CBFA2T2: variants seen among roughly 807,000 people sequenced by gnomAD.
The protein encoded by CBFA2T2 is CBFA2/RUNX1 partner transcriptional co-repressor 2, also known as protein CBFA2T2.
Under a neutral mutation model 62.2 loss-of-function variants are expected in CBFA2T2, and 11 were observed. The ratio of observed to expected loss-of-function variants is 0.18; its 90% CI spans 0.11 to 0.29. The LOEUF is 0.29. CBFA2T2 is among the 10% of genes least tolerant of loss of function. The pLI is 1.00. For missense variants in CBFA2T2, 592 were observed against 774.1 expected (o/e 0.76, Z 2.79); for synonymous variants, 295 against 287.5 (o/e 1.03, Z -0.27).
At chr20:33,642,814 A>G (rs1254640656) in intron 10 of CBFA2T2, among the ~76,000 whole-genome samples, 1 of 152,206 alleles carries the variant, frequency 6.6e-6, no homozygotes, top group Non-Finnish European at 1.5e-5. Context: ...AAGAAAGAGT[A>G]TAGCTTTTGG....
intron 1 of CBFA2T2, among the ~76,000 whole-genome samples, chr20:33,498,247 C>CTT (rs150003478): frequency 5.9e-5 from 8 of 134,968 alleles, no homozygotes; most frequent in South Asian, 4.7e-4. Flanking sequence ...AATTTTCTTT[C>CTT]TTTTTTTTTT....
intron 6 of CBFA2T2, among the ~76,000 whole-genome samples, chr20:33,627,123 C>T (rs1455580015): frequency 6.6e-6 from 1 of 151,966 alleles, no homozygotes; most frequent in Non-Finnish European, 1.5e-5. Flanking sequence ...GGCGGTCTGG[C>T]GTGGTGGTTC....
chr20:33,526,370 A>C (rs1275482604), intron 1 of CBFA2T2, among the ~76,000 whole-genome samples: 2 of 152,234 alleles, frequency 1.3e-5, no homozygotes, highest in Admixed American at 6.5e-5. Flanking sequence ...AGAGGCTCAC[A>C]GGAACCTAAC....
At position 33,646,780 on chromosome 20, in the gene CBFA2T2, G is replaced by A. The variant is rs1170459323; in HGVS notation, c.*2134G>A. The stretch of plus-strand genomic sequence containing the variant: ...GGAGGCTGAGGCAAGAGAATCTCTT[G>A]AACCTGTGAGCCAGAGGTTGCAGTG... On this transcript the variant is annotated 3_prime_UTR_variant, in exon 11 of 11. Coordinates refer to ENST00000342704, the MANE Select transcript of CBFA2T2 (RefSeq NM_001032999.3). 6.7e-6 allele frequency: 1 copy of A among 149,520 alleles called. No homozygotes were observed. Among genetic ancestry groups the A allele is most frequent in the Non-Finnish European group, 1.5e-5 (1 of 67,742 alleles). The allele number at this position is 149,520 out of a possible 1,614,324, so 9.3% of individuals were successfully genotyped here. A position where few individuals can be genotyped will look rare whatever the true frequency, so the allele number is the denominator to read the frequency against.
In CBFA2T2 at chr20:33,520,949, C is replaced by A. The variant is rs193024732; in HGVS notation, c.34+30648C>A. On this transcript the variant is annotated intron_variant, in intron 1 of 10. Coordinates refer to ENST00000342704, the MANE Select transcript of CBFA2T2 (RefSeq NM_001032999.3). ...ATTTTCACCTGCCATCACATACACA[C>A]ACACACACTTTCACCTGCCATCACA... Among the ~76,000 whole-genome samples the A allele has an allele frequency of 2.0e-3, 299 of 148,520 alleles. 2 individuals carry two copies. The highest frequency in any genetic ancestry group is 2.4e-3 in the Non-Finnish European group (162 of 67,572).
chr20:33,510,821 C>T (rs1405198264), intron 1 of CBFA2T2, among the ~76,000 whole-genome samples: 9 of 152,120 alleles, frequency 5.9e-5, no homozygotes, highest in African/African-American at 2.2e-4. Context: ...TTTTAATGAT[C>T]GCTATTCTAA....
chr20:33,491,248 A>G (rs2011144496), intron 1 of CBFA2T2, among the ~76,000 whole-genome samples: 1 of 152,236 alleles, frequency 6.6e-6, no homozygotes, highest in Non-Finnish European at 1.5e-5. Context: ...TAAATCATAT[A>G]GTAAGTTTAA....
intron 1 of CBFA2T2, among the ~76,000 whole-genome samples, chr20:33,514,336 T>TC (rs2011564532): frequency 6.8e-6 from 1 of 146,458 alleles, no homozygotes; most frequent in Non-Finnish European, 1.5e-5. Flanking sequence ...TGCCTTTGCC[T>TC]CCCCAGTAAC....
intron 1 of CBFA2T2, 122 bp from the exon 2 acceptor site, chr20:33,606,834 G>C: frequency 1.2e-6 from 1 of 840,794 alleles, no homozygotes; most frequent in Non-Finnish European, 1.9e-6. Context: ...TCTTTTAGGG[G>C]GTCACTATTC....
intron 2 of CBFA2T2, among the ~76,000 whole-genome samples, chr20:33,608,545 A>C (rs769140470): frequency 2.0e-5 from 3 of 152,258 alleles, no homozygotes; most frequent in African/African-American, 7.2e-5. Context: ...AGAGTGAATG[A>C]AAAGAAGTGT....
At chr20:33,590,830 G>A (rs1279555394) in intron 1 of CBFA2T2, among the ~76,000 whole-genome samples, 1 of 151,976 alleles carries the variant, frequency 6.6e-6, no homozygotes, top group African/African-American at 2.4e-5. Flanking sequence ...TTAAAAACTC[G>A]GTTTTTCAAA....
intron 5 of CBFA2T2, among the ~76,000 whole-genome samples, chr20:33,623,537 C>T (rs2016079256): frequency 6.6e-6 from 1 of 151,956 alleles, no homozygotes; most frequent in Admixed American, 6.6e-5. Context: ...GGATTACAGG[C>T]ACGTGCCACC....
intron 1 of CBFA2T2, among the ~76,000 whole-genome samples, chr20:33,516,271 AC>A (rs1402235644): frequency 6.6e-6 from 1 of 152,096 alleles, no homozygotes; most frequent in Non-Finnish European, 1.5e-5. Flanking sequence ...GGAGTTCGAG[AC>A]CAGTCTGGCC....
At chr20:33,501,630 CTTT>C (rs869281966) in intron 1 of CBFA2T2, among the ~76,000 whole-genome samples, 1 of 63,252 alleles carries the variant, frequency 1.6e-5, no homozygotes, top group African/African-American at 7.1e-5. Context: ...CTTAGCCTTC[CTTT>C]TTTTTTTTTT....
intron 8 of CBFA2T2, among the ~76,000 whole-genome samples, chr20:33,631,036 C>A (rs1300657431): frequency 6.6e-6 from 1 of 152,110 alleles, no homozygotes; most frequent in African/African-American, 2.4e-5. Flanking sequence ...AAAAACAGGC[C>A]GGGCGTGGTG....
chr20:33,490,323 G>A (rs2011137105), intron 1 of CBFA2T2, 22 bp downstream of exon 1: 9 of 1,283,058 alleles, frequency 7.0e-6, no homozygotes, highest in Non-Finnish European at 7.9e-6. Flanking sequence ...GTGAATGCGG[G>A]CGGCCGAGGG....
intron 1 of CBFA2T2, among the ~76,000 whole-genome samples, chr20:33,556,051 G>C (rs538567797): frequency 9.8e-5 from 15 of 152,292 alleles, no homozygotes; most frequent in Non-Finnish European, 1.9e-4. Context: ...ACTTTTTGTA[G>C]AGATGGAGTC....
At chr20:33,551,730 C>A (rs1410524058) in intron 1 of CBFA2T2, among the ~76,000 whole-genome samples, 1 of 152,110 alleles carries the variant, frequency 6.6e-6, no homozygotes, top group East Asian at 1.9e-4. Context: ...CGGGGTTTCA[C>A]CATATTGGCC....
intron 2 of CBFA2T2, among the ~76,000 whole-genome samples, chr20:33,609,535 A>G (rs2015453143): frequency 6.6e-6 from 1 of 152,184 alleles, no homozygotes; most frequent in Admixed American, 6.5e-5. Flanking sequence ...AAGCATGCAC[A>G]TAGGCAGCAC....
Sources: gnomAD v4.1 joint callset for allele counts (sites outside exome capture counted in the v4.1 genomes callset) on GRCh38, gnomAD v4.1.1 for gene constraint, MANE v1.5 for transcripts, NCBI Gene and HGNC (gene_info 2026-07-23, HGNC 2026-07-21) for gene names.